KCNJ6: variants seen among roughly 807,000 people sequenced by gnomAD.
KCNJ6 encodes the protein potassium inwardly rectifying channel subfamily J member 6, also known as G protein-activated inward rectifier potassium channel 2.
KCNJ6 carries 9 observed loss-of-function variants against 34.2 expected under a neutral mutation model. That is an observed-to-expected ratio of 0.26 (90% CI 0.16 to 0.46). KCNJ6 has a LOEUF of 0.46. KCNJ6 is among the 20% of genes least tolerant of loss of function. KCNJ6 has a pLI of 1.00. For missense variants in KCNJ6, 236 were observed against 531.3 expected, an observed-to-expected ratio of 0.44 and a Z score of 5.46; for synonymous variants, 196 against 207.1, an observed-to-expected ratio of 0.95 and a Z score of 0.46.
intron 2 of KCNJ6, among the ~76,000 whole-genome samples, chr21:37,760,154 C>A (rs115444157): frequency 9.1e-4 from 138 of 152,306 alleles, no homozygotes; most frequent in African/African-American, 3.2e-3. Context: ...AAGTCCTGGT[C>A]CCGACCTGCC....
chr21:37,764,376 A>T (rs896691611), intron 2 of KCNJ6, among the ~76,000 whole-genome samples: 3 of 135,148 alleles, frequency 2.2e-5, no homozygotes, highest in African/African-American at 9.0e-5. Context: ...AAATTTGAAG[A>T]TATTTACTTT....
chr21:37,863,845 G>GGTTTTTT (rs2055606686), intron 1 of KCNJ6, among the ~76,000 whole-genome samples: 1 of 34,500 alleles, frequency 2.9e-5, no homozygotes, highest in Non-Finnish European at 5.1e-5. Context: ...AAAATATAAA[G>GGTTTTTT]GTTTTTTTTT....
intron 1 of KCNJ6, among the ~76,000 whole-genome samples, chr21:37,856,842 T>C (rs2123597188): frequency 6.6e-6 from 1 of 152,228 alleles, no homozygotes; most frequent in African/African-American, 2.4e-5. Context: ...GGGGAAGTTG[T>C]ATGGTTTGGG....
intron 3 of KCNJ6, among the ~76,000 whole-genome samples, chr21:37,627,707 A>C (rs551427478): frequency 1.3e-5 from 2 of 152,222 alleles, no homozygotes; most frequent in Non-Finnish European, 2.9e-5. Context: ...GACCACATGC[A>C]TGTGTAAGGC....
intron 1 of KCNJ6, among the ~76,000 whole-genome samples, chr21:37,905,024 C>T (rs1335338016): frequency 6.6e-6 from 1 of 152,228 alleles, no homozygotes; most frequent in Non-Finnish European, 1.5e-5. Flanking sequence ...ACAACCTCAA[C>T]ACTCTGCGCC....
chr21:37,849,191 G>A (rs1299037849), intron 1 of KCNJ6, among the ~76,000 whole-genome samples: 1 of 152,144 alleles, frequency 6.6e-6, no homozygotes, highest in Non-Finnish European at 1.5e-5. Flanking sequence ...CTTCCAAGAT[G>A]CACCTATTCT....
chr21:37,630,134 C>CTCTGTGTGTGTGTGTGTGTGTGTGTG (rs145670479), intron 3 of KCNJ6, among the ~76,000 whole-genome samples: 2 of 144,154 alleles, frequency 1.4e-5, no homozygotes, highest in African/African-American at 5.2e-5. Flanking sequence ...GATGACATCT[C>CTCTGTGTGTGTGTGTGTGTGTGTGTG]TGTGTGTGTG....
At chr21:37,753,935 G>C (rs1037024598) in intron 2 of KCNJ6, among the ~76,000 whole-genome samples, 1 of 152,198 alleles carries the variant, frequency 6.6e-6, no homozygotes, top group Non-Finnish European at 1.5e-5. Context: ...TGAGAACAAG[G>C]CTGGGCCCTT....
chr21:37,609,543 C>T lies in KCNJ6; in HGVS notation c.*15616G>A, dbSNP rs567523450. Reference sequence around the variant, plus strand: ...AACATTTTGGGCCTTAATATAATGCCATTTTATTAGGAAAGACAAATACAA... The same window carrying T: ...AACATTTTGGGCCTTAATATAATGCTATTTTATTAGGAAAGACAAATACAA... On this transcript the variant is annotated 3_prime_UTR_variant, in exon 4 of 4. Coordinates refer to ENST00000609713, the MANE Select transcript of KCNJ6 (RefSeq NM_002240.5). 6.6e-6 allele frequency: 1 copy of T among 152,202 alleles called. No individual in the cohort carries two copies. Among genetic ancestry groups the T allele is most frequent in the South Asian group, 2.1e-4 (1 of 4,820 alleles). The allele number at this position is 152,202 out of a possible 1,614,324, so 9.4% of individuals were successfully genotyped here. A position where few individuals can be genotyped will look rare whatever the true frequency, so the allele number is the denominator to read the frequency against.
intron 2 of KCNJ6, among the ~76,000 whole-genome samples, chr21:37,716,264 G>T: frequency 6.6e-6 from 1 of 152,058 alleles, no homozygotes; most frequent in East Asian, 1.9e-4. Context: ...AAAAAGGGTG[G>T]GGAAATGTTC....
rs144846588 is a variant in KCNJ6, at chr21:37,914,721, C to G, written c.-28+1163G>C. Among the ~76,000 whole-genome samples the G allele has an allele frequency of 7.9e-5, 12 of 152,310 alleles. No homozygotes were observed. The South Asian group carries it at 1.0e-3, about 13-fold the overall frequency. On this transcript the variant is annotated intron_variant, in intron 1 of 3. Transcript: ENST00000609713. ...TAGCAAGCCCTTTTTTCTCCCTAAG[C>G]AGTTCCTGGGCATCACCCTTTTCCG...
chr21:37,731,433 G>A (rs1027260514), intron 2 of KCNJ6, among the ~76,000 whole-genome samples: 3 of 152,186 alleles, frequency 2.0e-5, no homozygotes, highest in Admixed American at 6.5e-5. Flanking sequence ...AGGGGAACTC[G>A]CAGCTAGGGA....
At chr21:37,769,209 G>A (rs1470065991) in intron 2 of KCNJ6, among the ~76,000 whole-genome samples, 1 of 152,130 alleles carries the variant, frequency 6.6e-6, no homozygotes, top group East Asian at 1.9e-4. Flanking sequence ...CTTACGTGAT[G>A]TTCCAGATGA....
At chr21:37,723,470 G>A (rs1010605044) in intron 2 of KCNJ6, among the ~76,000 whole-genome samples, 1 of 152,174 alleles carries the variant, frequency 6.6e-6, no homozygotes, top group South Asian at 2.1e-4. Context: ...ACATGCATTT[G>A]TATGTTCATC....
At chr21:37,844,574 C>T (rs1348481121) in intron 1 of KCNJ6, among the ~76,000 whole-genome samples, 1 of 151,958 alleles carries the variant, frequency 6.6e-6, no homozygotes, top group Non-Finnish European at 1.5e-5. Flanking sequence ...AGCCAGGGCC[C>T]CTGGACCGAT....
chr21:37,686,485 GGA>G (rs2054616081), intron 3 of KCNJ6, among the ~76,000 whole-genome samples: 2 of 30,200 alleles, frequency 6.6e-5, no homozygotes, highest in Non-Finnish European at 1.1e-4. Context: ...TTTTTTTTTT[GGA>G]GATGGAGTCT....
At chr21:37,721,241 T>C (rs1054331049) in intron 2 of KCNJ6, among the ~76,000 whole-genome samples, 6 of 152,152 alleles carry the variant, frequency 3.9e-5, no homozygotes, top group African/African-American at 1.4e-4. Context: ...ACTTCACATC[T>C]ATTAGATGGT....
chr21:37,635,734 C>T (rs765986569), intron 3 of KCNJ6, among the ~76,000 whole-genome samples: 2 of 152,076 alleles, frequency 1.3e-5, no homozygotes, highest in African/African-American at 2.4e-5. Context: ...CCAGGCTGGT[C>T]ACGAGTTTCC....
intron 3 of KCNJ6, among the ~76,000 whole-genome samples, chr21:37,636,685 T>C (rs1008558881): frequency 3.9e-5 from 6 of 152,192 alleles, no homozygotes; most frequent in African/African-American, 1.4e-4. Context: ...GAATGTGCCA[T>C]AGGCACTGAG....
Sources: allele counts gnomAD v4.1 joint callset (sites outside exome capture counted in the v4.1 genomes callset), GRCh38; gene constraint gnomAD v4.1.1; transcripts MANE v1.5; gene names NCBI Gene and HGNC (gene_info 2026-07-23, HGNC 2026-07-21).